The following BMPER variants were observed in gnomAD, a reference collection of about 807,000 sequenced individuals.
BMPER encodes the protein BMP-binding endothelial regulator protein.
A neutral mutation model predicts 87.3 loss-of-function variants in BMPER; 45 were observed. The ratio of observed to expected loss-of-function variants is 0.52; its 90% CI spans 0.41 to 0.66. The LOEUF is 0.66. BMPER is among the 30% of genes least tolerant of loss of function. The pLI is 0.00. For missense variants in BMPER, 784 were observed against 867.5 expected, an observed-to-expected ratio of 0.90 and a Z score of 1.21; for synonymous variants, 326 against 316.2, an observed-to-expected ratio of 1.03 and a Z score of -0.33.
chr7:33,994,329 G>GT (rs1347856472), intron 6 of BMPER, among the ~76,000 whole-genome samples: 1 of 152,228 alleles, frequency 6.6e-6, no homozygotes, highest in Admixed American at 6.5e-5. Flanking sequence ...GTGATGCGCT[G>GT]TTTTTTAAGC....
chr7:34,062,745 G>A (rs776855008), intron 11 of BMPER, among the ~76,000 whole-genome samples: 1 of 152,166 alleles, frequency 6.6e-6, no homozygotes, highest in Non-Finnish European at 1.5e-5. Context: ...TTTGTACAGC[G>A]TGTCGCTGTA....
chr7:34,020,873 C>T (rs980989825), intron 6 of BMPER, among the ~76,000 whole-genome samples: 8 of 151,778 alleles, frequency 5.3e-5, no homozygotes, highest in Non-Finnish European at 1.0e-4. Context: ...CACACACACA[C>T]ACACACACAC....
rs1478647322 is a variant in BMPER, at chr7:34,129,628, G to GAA, written c.1746-13601_1746-13600insAA. On this transcript the variant is annotated intron_variant, in intron 13 of 14. Coordinates refer to ENST00000649409, the MANE Select transcript of BMPER (RefSeq NM_001365308.1). ...AGAGAGAAAGAGAGAGAGAGAGAAA[G>GAA]AGAGAAAGAAAGAAAGAAAGAAAGA... Among the ~76,000 whole-genome samples, 292 of 142,196 alleles carry GAA rather than the reference G, an allele frequency of 2.1e-3. 3 individuals are homozygous for GAA. The highest frequency in any genetic ancestry group is 5.4e-3 in the African/African-American group (200 of 37,082). The allele number at this position is 142,196 out of a possible 152,430, so 93.3% of individuals were successfully genotyped here. A position where few individuals can be genotyped will look rare whatever the true frequency, so the allele number is the denominator to read the frequency against.
At chr7:33,973,822 T>A (rs1036795419) in intron 5 of BMPER, among the ~76,000 whole-genome samples, 7 of 151,464 alleles carry the variant, frequency 4.6e-5, no homozygotes, top group African/African-American at 1.7e-4. Flanking sequence ...GGCTTTGCTG[T>A]TAACTCATAG....
At chr7:34,058,369 C>T (rs548303090) in intron 10 of BMPER, among the ~76,000 whole-genome samples, 7 of 152,140 alleles carry the variant, frequency 4.6e-5, no homozygotes, top group Non-Finnish European at 1.0e-4. Flanking sequence ...TGCTCTTGTC[C>T]CAATTCTGAT....
chr7:34,034,087 A>T (rs1439105276), intron 6 of BMPER, among the ~76,000 whole-genome samples: 2 of 152,128 alleles, frequency 1.3e-5, no homozygotes, highest in Non-Finnish European at 2.9e-5. Context: ...CATGATCATA[A>T]GCTTTCCATC....
chr7:34,085,345 A>G (rs1039860967), intron 12 of BMPER, among the ~76,000 whole-genome samples: 3 of 152,354 alleles, frequency 2.0e-5, no homozygotes, highest in Admixed American at 6.5e-5. Flanking sequence ...AAATAATTGC[A>G]TTAAAAAACA....
At chr7:34,126,366 CT>C (rs1345911862) in intron 13 of BMPER, among the ~76,000 whole-genome samples, 1 of 152,100 alleles carries the variant, frequency 6.6e-6, no homozygotes, top group Non-Finnish European at 1.5e-5. Flanking sequence ...ATGACTAGGG[CT>C]TAGTTAGATT....
At position 33,937,450 on chromosome 7, in the gene BMPER, T is replaced by C. The variant is rs548811835; in HGVS notation, c.319+62T>C. 2.0e-5 allele frequency: 31 copies of C among 1,530,906 alleles called. No individual in the cohort carries two copies. In the African/African-American group the frequency reaches 3.4e-4, roughly 17 times the overall value. The allele number at this position is 1,530,906 out of a possible 1,614,324, so 94.8% of individuals were successfully genotyped here. On this transcript the variant is annotated intron_variant, in intron 3 of 14. Transcript: ENST00000649409. ...TGCTTCAGGCATTTTTATTTCTCTT[T>C]CTCTCACCTTCCTTTTCACTCAGCT...
At chr7:33,972,193 A>G (rs935825322) in intron 5 of BMPER, among the ~76,000 whole-genome samples, 2 of 152,004 alleles carry the variant, frequency 1.3e-5, no homozygotes, top group Non-Finnish European at 2.9e-5. Context: ...GTGAGCCCCT[A>G]CGCCCGGCCG....
intron 13 of BMPER, among the ~76,000 whole-genome samples, chr7:34,100,108 T>C (rs1789640642): frequency 6.6e-6 from 1 of 152,204 alleles, no homozygotes; most frequent in Non-Finnish European, 1.5e-5. Flanking sequence ...TATTAAATGC[T>C]AGGCACTGTG....
chr7:33,931,325 G>T (rs1205587594), intron 2 of BMPER, among the ~76,000 whole-genome samples: 1 of 152,162 alleles, frequency 6.6e-6, no homozygotes, highest in African/African-American at 2.4e-5. Flanking sequence ...CGTAAGCCAG[G>T]CTGGGAACTG....
chr7:34,094,352 G>A (rs1303442269), intron 13 of BMPER, among the ~76,000 whole-genome samples: 4 of 152,224 alleles, frequency 2.6e-5, no homozygotes, highest in Non-Finnish European at 5.9e-5. Context: ...AGTAATGGTG[G>A]GAATAGGGTA....
At chr7:34,146,429 G>T (rs2127995573) in intron 14 of BMPER, among the ~76,000 whole-genome samples, 1 of 150,306 alleles carries the variant, frequency 6.7e-6, no homozygotes, top group African/African-American at 2.4e-5. Flanking sequence ...AGGACTAATG[G>T]AACCCTAATT....
chr7:33,969,494 G>T (rs1375183272), intron 4 of BMPER, among the ~76,000 whole-genome samples: 3 of 152,128 alleles, frequency 2.0e-5, no homozygotes, highest in African/African-American at 7.2e-5. Flanking sequence ...CCGCCTCCTG[G>T]GTTCACACCA....
rs150039276 is a variant in BMPER at position 33,980,124 on chromosome 7, C to T, written c.576+5340C>T. On this transcript the variant is annotated intron_variant, in intron 6 of 14. Coordinates refer to ENST00000649409, the MANE Select transcript of BMPER (RefSeq NM_001365308.1). ...TTTTTAGGTGTGACTATCATCATGACTCACTCAGAAAATGCAGTGCTTTCT... is the reference window on the plus strand; with the variant it reads ...TTTTTAGGTGTGACTATCATCATGATTCACTCAGAAAATGCAGTGCTTTCT... 5.9e-3 allele frequency among the ~76,000 whole-genome samples: 897 copies of T among 152,274 alleles called. 6 individuals are homozygous for T. The highest frequency in any genetic ancestry group is 0.021 in the African/African-American group (862 of 41,562).
chr7:33,925,158 G>A (rs1035209052), intron 2 of BMPER, among the ~76,000 whole-genome samples: 3 of 152,188 alleles, frequency 2.0e-5, no homozygotes, highest in Non-Finnish European at 2.9e-5. Context: ...CCCTCAATAC[G>A]TGGGACAATG....
chr7:34,024,194 C>T (rs1196433161), intron 6 of BMPER, among the ~76,000 whole-genome samples: 1 of 149,478 alleles, frequency 6.7e-6, no homozygotes, highest in Non-Finnish European at 1.5e-5. Context: ...CCTGCATCTA[C>T]TAAAAATACA....
At chr7:34,106,097 G>A (rs1257432763) in intron 13 of BMPER, among the ~76,000 whole-genome samples, 1 of 152,150 alleles carries the variant, frequency 6.6e-6, no homozygotes, top group African/African-American at 2.4e-5. Context: ...GATCTGTGTA[G>A]CTCTACTGGG....
Sources: allele counts gnomAD v4.1 joint callset (sites outside exome capture counted in the v4.1 genomes callset), GRCh38; gene constraint gnomAD v4.1.1; transcripts MANE v1.5; gene names NCBI Gene and HGNC (gene_info 2026-07-23, HGNC 2026-07-21).